The following OPCML variants were observed in gnomAD, a reference collection of about 807,000 sequenced individuals.
OPCML encodes the protein opioid binding protein/cell adhesion molecule like.
Under a neutral mutation model 37.8 loss-of-function variants are expected in OPCML, and 13 were observed. The observed-to-expected ratio is 0.34, with a 90% CI of 0.22 to 0.55. The LOEUF is 0.55. Ranked by LOEUF, OPCML falls within the 20% of genes least tolerant of loss-of-function variation. OPCML has a pLI of 0.91. For synonymous variants in OPCML, 176 were observed against 168.8 expected (o/e 1.04, Z -0.33); for missense variants, 341 against 435.6 (o/e 0.78, Z 1.93).
intron 1 of OPCML, among the ~76,000 whole-genome samples, chr11:133,258,729 C>A (rs933141957): frequency 6.6e-6 from 1 of 152,100 alleles, no homozygotes; most frequent in Non-Finnish European, 1.5e-5. Flanking sequence ...TGGCCCCCTC[C>A]CACTCACACC....
chr11:132,944,005 G>T (rs1001263632), intron 1 of OPCML, among the ~76,000 whole-genome samples: 5 of 151,918 alleles, frequency 3.3e-5, no homozygotes, highest in Admixed American at 6.6e-5. Context: ...GAGCGGGCTG[G>T]CGGGCGGCGC....
intron 1 of OPCML, among the ~76,000 whole-genome samples, chr11:133,110,672 C>A (rs747572274): frequency 2.6e-5 from 4 of 152,172 alleles, no homozygotes; most frequent in Non-Finnish European, 4.4e-5. Context: ...TCGTTCAGTG[C>A]TGCAGGGGCC....
intron 1 of OPCML, among the ~76,000 whole-genome samples, chr11:133,142,366 C>T (rs7101918): frequency 0.14 from 22,009 of 152,184 alleles, 1,782 homozygotes; most frequent in East Asian, 0.2. Context: ...GCTCCCAAGA[C>T]CTATGTCCAT....
intron 2 of OPCML, among the ~76,000 whole-genome samples, chr11:132,723,223 C>T (rs1338300497): frequency 6.6e-6 from 1 of 152,166 alleles, no homozygotes; most frequent in African/African-American, 2.4e-5. Context: ...TTAAGATACC[C>T]ATTTACTCAC....
chr11:133,495,028 A>G (rs1947751404), intron 1 of OPCML, among the ~76,000 whole-genome samples: 1 of 151,946 alleles, frequency 6.6e-6, no homozygotes, highest in Non-Finnish European at 1.5e-5. Context: ...ATGCTGTACC[A>G]TATTTGTAGT....
At chr11:132,648,130 T>C (rs1381316339) in intron 3 of OPCML, among the ~76,000 whole-genome samples, 1 of 152,238 alleles carries the variant, frequency 6.6e-6, no homozygotes, top group African/African-American at 2.4e-5. Context: ...ACTTGGATGC[T>C]AAACAGTGAC....
chr11:133,280,137 T>G (rs987534827), intron 1 of OPCML, among the ~76,000 whole-genome samples: 1 of 152,204 alleles, frequency 6.6e-6, no homozygotes, highest in Non-Finnish European at 1.5e-5. Flanking sequence ...TCAGGCAAAA[T>G]AGTTGTACCC....
chr11:133,398,419 C>T (rs142184195), intron 1 of OPCML, among the ~76,000 whole-genome samples: 1,626 of 152,252 alleles, frequency 0.011, 12 homozygotes, highest in Non-Finnish European at 0.016. Flanking sequence ...GGATATCTGT[C>T]TTCTTTATAC....
At chr11:132,657,725 A>G (rs1268991359) in intron 2 of OPCML, among the ~76,000 whole-genome samples, 1 of 152,202 alleles carries the variant, frequency 6.6e-6, no homozygotes, top group African/African-American at 2.4e-5. Flanking sequence ...TAACCCACAA[A>G]GCAAATACTT....
intron 1 of OPCML, among the ~76,000 whole-genome samples, chr11:133,519,875 A>T (rs2120690901): frequency 6.6e-6 from 1 of 152,258 alleles, no homozygotes; most frequent in Admixed American, 6.5e-5. Flanking sequence ...GTTTCTATGA[A>T]ATTTGACCAC....
intron 2 of OPCML, among the ~76,000 whole-genome samples, chr11:132,895,788 G>A (rs569004243): frequency 6.6e-6 from 1 of 152,116 alleles, no homozygotes; most frequent in Non-Finnish European, 1.5e-5. Context: ...ACAATGCTGA[G>A]TCTCCTCAGA....
chr11:133,178,114 A>G (rs2136280780), intron 1 of OPCML, among the ~76,000 whole-genome samples: 1 of 152,328 alleles, frequency 6.6e-6, no homozygotes, highest in East Asian at 1.9e-4. Flanking sequence ...AGGAGCTCTT[A>G]CATTCATAAA....
At chr11:132,837,783 GGGGGAA>G (rs1941103094) in intron 2 of OPCML, among the ~76,000 whole-genome samples, 2 of 152,114 alleles carry the variant, frequency 1.3e-5, no homozygotes, top group African/African-American at 4.8e-5. Context: ...AGGGCATGGC[GGGGGAA>G]GGCGGGCATC....
chr11:133,036,934 G>C (rs1481278209), intron 1 of OPCML, among the ~76,000 whole-genome samples: 4 of 152,042 alleles, frequency 2.6e-5, no homozygotes, highest in African/African-American at 9.7e-5. Context: ...TTCTTTGCTT[G>C]TTCCTCTGTG....
At chr11:133,139,359 C>T (rs932525001) in intron 1 of OPCML, among the ~76,000 whole-genome samples, 2 of 151,372 alleles carry the variant, frequency 1.3e-5, no homozygotes, top group Non-Finnish European at 2.9e-5. Flanking sequence ...ATGTAATCCT[C>T]ACATTAACCT....
chr11:132,719,638 C>G (rs1442354531), intron 2 of OPCML, among the ~76,000 whole-genome samples: 2 of 152,222 alleles, frequency 1.3e-5, no homozygotes, highest in Non-Finnish European at 1.5e-5. Context: ...GGCAGGAGAA[C>G]AGCTTCTTCC....
intron 2 of OPCML, among the ~76,000 whole-genome samples, chr11:132,794,408 T>C (rs746740415): frequency 2.0e-4 from 30 of 152,216 alleles, no homozygotes; most frequent in Non-Finnish European, 4.1e-4. Flanking sequence ...ATCTATCCAA[T>C]TGTTAGTTAA....
intron 2 of OPCML, among the ~76,000 whole-genome samples, chr11:132,792,839 A>C (rs1010961776): frequency 6.6e-6 from 1 of 152,138 alleles, no homozygotes; most frequent in African/African-American, 2.4e-5. Context: ...AGTTTTCATT[A>C]TTCATTATTC....
intron 1 of OPCML, chr11:133,118,449 G>C (rs1472681024): frequency 1.0e-6 from 1 of 981,634 alleles, no homozygotes; most frequent in Admixed American, 6.2e-5. Context: ...GATTAAAGTG[G>C]ACTGAAAACT....
Sources: gnomAD v4.1 joint callset for allele counts (sites outside exome capture counted in the v4.1 genomes callset) on GRCh38, gnomAD v4.1.1 for gene constraint, MANE v1.5 for transcripts, NCBI Gene and HGNC (gene_info 2026-07-23, HGNC 2026-07-21) for gene names.